Variants in ZNF292 observed in about 807,000 individuals in gnomAD.
The protein encoded by ZNF292 is zinc finger protein 292.
A neutral mutation model predicts 217.9 loss-of-function variants in ZNF292; 26 were observed. The observed-to-expected ratio is 0.12, with a 90% CI of 0.09 to 0.17. ZNF292 has a LOEUF of 0.17. ZNF292 is among the 10% of genes least tolerant of loss of function. The pLI is 1.00. For missense variants in ZNF292, 2,904 were observed against 3,175.2 expected, an observed-to-expected ratio of 0.91 and a Z score of 2.05; for synonymous variants, 1,257 against 1,124.1, an observed-to-expected ratio of 1.12 and a Z score of -2.37.
At chr6:87,236,955 ATACTGG>A (rs1012510129) in intron 5 of ZNF292, among the ~76,000 whole-genome samples, 48 of 152,326 alleles carry the variant, frequency 3.2e-4, no homozygotes, top group African/African-American at 1.1e-3. Flanking sequence ...TGTGGGGAGT[ATACTGG>A]TAGGGTAAAT....
At chr6:87,174,707 A>G (rs1271997075) in intron 1 of ZNF292, among the ~76,000 whole-genome samples, 2 of 152,186 alleles carry the variant, frequency 1.3e-5, no homozygotes, top group Non-Finnish European at 2.9e-5. Flanking sequence ...TTCTTGTCTT[A>G]CGTACTAAGG....
At position 87,258,598 on chromosome 6, in the gene ZNF292, C is replaced by G; in HGVS notation, c.4969C>G (p.Leu1657Val). 2.5e-6 allele frequency: 4 copies of G among 1,613,690 alleles called. No individual in the cohort carries two copies. Among genetic ancestry groups the G allele is most frequent in the Non-Finnish European group, 3.4e-6 (4 of 1,179,768 alleles). ...LVTSDLTTMG[L>V]IAKSVEIPTT... is the part of the protein sequence containing the mutation. ...AACAAGTGACTTAACAACAATGGGA[C>G]TCATAGCAAAGAGTGTTGAAATCCC... Residue 1657 changes from leucine to valine, a missense_variant, in exon 8 of 8, where the codon CTC becomes GTC. Transcript: ENST00000369577.
chr6:87,155,650 C>T lies in ZNF292; in HGVS notation c.59C>T (p.Ala20Val). 6.3e-7 allele frequency: 1 copy of T among 1,582,670 alleles called. No individual in the cohort carries two copies. Residue 20 changes from alanine (A) to valine (V), a missense_variant, in exon 1 of 8, where the codon GCG (alanine) becomes GTG (valine). This residue lies in a region of ZNF292 where 66 missense variants were observed against 44.1 expected (regional missense o/e 1.50). Coordinates refer to ENST00000369577, the MANE Select transcript of ZNF292 (RefSeq NM_015021.3). The stretch of plus-strand genomic sequence containing the variant: ...AGTTGCGGCGAAGGCGGCTGCGTCG[C>T]GGAGCTGCAGCGCCTGGGCGAGCGG... ...RLSCGEGGCV[A>V]ELQRLGERLQ...
chr6:87,223,969 A>G (rs1562152787), intron 4 of ZNF292: 1 of 152,220 alleles, frequency 6.6e-6, no homozygotes, highest in Non-Finnish European at 1.5e-5. Context: ...CATTAACACA[A>G]AGATCATTGT....
At position 87,197,012 on chromosome 6, in the gene ZNF292, C is replaced by T. The variant is rs1771969351; in HGVS notation, c.169-18891C>T. 7.2e-5 allele frequency among the ~76,000 whole-genome samples: 11 copies of T among 152,234 alleles called. No individual in the cohort carries two copies. The South Asian group carries it at 2.3e-3, about 32-fold the overall frequency. On this transcript the variant is annotated intron_variant, in intron 1 of 7. Coordinates refer to ENST00000369577, the MANE Select transcript of ZNF292 (RefSeq NM_015021.3). Reference sequence around the variant, plus strand: ...TCTTGCAGTGTGACAAGAAAAGAGACCATCAGTGTGATAGAGCAACAGACA... The same window carrying T: ...TCTTGCAGTGTGACAAGAAAAGAGATCATCAGTGTGATAGAGCAACAGACA...
intron 1 of ZNF292, among the ~76,000 whole-genome samples, chr6:87,187,495 G>A (rs1212378775): frequency 6.6e-6 from 1 of 151,960 alleles, no homozygotes; most frequent in Non-Finnish European, 1.5e-5. Flanking sequence ...GAGGTGGGCG[G>A]ATCACCTGAG....
rs577017899 is a variant in ZNF292, at chr6:87,156,460, C to T, written c.168+701C>T. 3.9e-5 allele frequency among the ~76,000 whole-genome samples: 6 copies of T among 152,306 alleles called. No homozygotes were observed. The South Asian group carries it at 6.2e-4, about 16-fold the overall frequency. ...GCTTTATCTCCTTAGTGTAGAGGAG[C>T]TGTGCCTGTACATCTGTCTCAGGTT... On this transcript the variant is annotated intron_variant, in intron 1 of 7. Coordinates refer to ENST00000369577, the MANE Select transcript of ZNF292 (RefSeq NM_015021.3).
intron 1 of ZNF292, among the ~76,000 whole-genome samples, chr6:87,210,655 CTG>C (rs1772444285): frequency 6.6e-6 from 1 of 152,128 alleles, no homozygotes. Context: ...TGGCGGGCGT[CTG>C]TAGTCCCAAC....
intron 7 of ZNF292, among the ~76,000 whole-genome samples, chr6:87,246,872 C>G (rs933580600): frequency 6.6e-6 from 1 of 150,796 alleles, no homozygotes; most frequent in African/African-American, 2.4e-5. Flanking sequence ...AAAAGCAGGC[C>G]GGACGGACAT....
At chr6:87,199,768 C>T (rs1318596731) in intron 1 of ZNF292, among the ~76,000 whole-genome samples, 1 of 152,084 alleles carries the variant, frequency 6.6e-6, no homozygotes, top group Non-Finnish European at 1.5e-5. Context: ...TCTTTTTCAT[C>T]AAAAAGTCAC....
At chr6:87,216,588 T>C (rs570274764) in intron 3 of ZNF292, among the ~76,000 whole-genome samples, 16 of 152,160 alleles carry the variant, frequency 1.1e-4, no homozygotes, top group African/African-American at 3.8e-4. Flanking sequence ...ATAATCGTTA[T>C]GATCAGATAA....
At chr6:87,177,617 A>G (rs776129501) in intron 1 of ZNF292, among the ~76,000 whole-genome samples, 4 of 152,210 alleles carry the variant, frequency 2.6e-5, no homozygotes, top group African/African-American at 7.2e-5. Context: ...CACAGATACC[A>G]TATTTGTTCC....
intron 7 of ZNF292, among the ~76,000 whole-genome samples, chr6:87,252,702 A>T (rs1298502855): frequency 6.6e-6 from 1 of 151,966 alleles, no homozygotes; most frequent in Admixed American, 6.5e-5. Flanking sequence ...TCTTTCTTGC[A>T]TATCGTAATA....
chr6:87,175,449 C>T (rs1294620456), intron 1 of ZNF292, among the ~76,000 whole-genome samples: 1 of 152,140 alleles, frequency 6.6e-6, no homozygotes, highest in East Asian at 1.9e-4. Context: ...GATTCTCCTG[C>T]CTCAGCCACC....
chr6:87,158,137 C>G (rs558982619), intron 1 of ZNF292, among the ~76,000 whole-genome samples: 37 of 152,312 alleles, frequency 2.4e-4, no homozygotes, highest in African/African-American at 8.7e-4. Context: ...GACAAAAAAA[C>G]ATCAAACACT....
At chr6:87,169,788 A>G in intron 1 of ZNF292, 1 of 384,268 alleles carries the variant, frequency 2.6e-6, no homozygotes, top group Non-Finnish European at 5.3e-6. Flanking sequence ...CTGGGACTAC[A>G]GATGTGCGCT....
chr6:87,257,205 T>A lies in ZNF292; in HGVS notation c.3576T>A (p.Phe1192Leu). The change falls in exon 8 of 8, where the codon TTT (phenylalanine) becomes TTA (leucine). Residue 1192 changes from phenylalanine to leucine, a missense_variant. Coordinates refer to ENST00000369577, the MANE Select transcript of ZNF292 (RefSeq NM_015021.3). ...TGCAGCATGTCTCGCCACCCATTTT[T>A]CCAGCTCATTTAGCAAGTGTGTCAA... is the stretch of plus-strand genomic sequence containing the variant. ...AQLQHVSPPI[F>L]PAHLASVSTP... is the part of the protein sequence containing the mutation. 1 of 1,613,898 alleles carries A rather than the reference T, an allele frequency of 6.2e-7. No individual in the cohort carries two copies. The highest frequency in any genetic ancestry group is 1.1e-5 in the South Asian group (1 of 91,086).
intron 7 of ZNF292, among the ~76,000 whole-genome samples, chr6:87,246,645 A>G (rs1384352057): frequency 6.6e-6 from 1 of 152,228 alleles, no homozygotes; most frequent in Non-Finnish European, 1.5e-5. Flanking sequence ...TGGGCGGATG[A>G]CTTGAGGTCA....
rs772403205 is a variant in ZNF292, at chr6:87,259,829, G to C, written c.6200G>C (p.Cys2067Ser). The C allele has an allele frequency of 2.5e-6, 4 of 1,612,304 alleles. No homozygotes were observed. The highest frequency in any genetic ancestry group is 3.4e-6 in the Non-Finnish European group (4 of 1,179,088). Reference sequence around the variant, plus strand: ...GTGATTACAGTTACTTCAGAACAATGTAATACAAATGCACTCACAAACACA... The same window carrying C: ...GTGATTACAGTTACTTCAGAACAATCTAATACAAATGCACTCACAAACACA... ...LQVITVTSEQ[C>S]NTNALTNTQT... The change falls in exon 8 of 8, where the codon TGT (cysteine) becomes TCT (serine). Residue 2067 changes from cysteine (C) to serine (S), a missense_variant. This residue lies in a region of ZNF292 where 261 missense variants were observed against 272.8 expected (regional missense o/e 0.96). Coordinates refer to ENST00000369577, the MANE Select transcript of ZNF292 (RefSeq NM_015021.3).
Sources: allele counts gnomAD v4.1 joint callset (sites outside exome capture counted in the v4.1 genomes callset), GRCh38; gene constraint gnomAD v4.1.1; regional missense constraint gnomAD v4.1.1; transcripts MANE v1.5; gene names NCBI Gene and HGNC (gene_info 2026-07-23, HGNC 2026-07-21).